The following FAM25C variants were observed in gnomAD, a reference collection of about 807,000 sequenced individuals.
The protein encoded by FAM25C is family with sequence similarity 25 member C, also known as protein FAM25C.
FAM25C carries 4 observed loss-of-function variants against 9.6 expected under a neutral mutation model. The ratio of observed to expected loss-of-function variants is 0.42; its 90% CI spans 0.20 to 0.95. The LOEUF (loss-of-function observed/expected upper bound fraction) is 0.95. FAM25C is among the 40% of genes least tolerant of loss of function. FAM25C has a pLI of 0.31. For missense variants in FAM25C, 38 were observed against 110.4 expected (o/e 0.34, Z 2.94); for synonymous variants, 23 against 44.1 (o/e 0.52, Z 1.89).
intron 1 of FAM25C, among the ~76,000 whole-genome samples, chr10:47,997,962 C>T (rs577559381): frequency 0.017 from 2,545 of 149,130 alleles, 31 homozygotes; most frequent in African/African-American, 0.058. Flanking sequence ...GGGATGCCAC[C>T]CCCAGCCAGG....
At chr10:47,998,738 C>G (rs1414712974) in intron 1 of FAM25C, among the ~76,000 whole-genome samples, 2 of 140,776 alleles carry the variant, frequency 1.4e-5, no homozygotes, top group African/African-American at 2.6e-5. Flanking sequence ...TCCCAACACT[C>G]AGCTTTTCTC....
chr10:47,999,711 T>C lies in FAM25C; in HGVS notation c.55A>G (p.Lys19Glu), dbSNP rs1842851166. ...TCCTCACTGGCTCCCTCGGTGGCCT[T>C]CTCGGTGCGGTGGGCCAGGCCCTCG... ...AAEGLAHRTE[K>E]ATEGAIHAVE... Residue 19 changes from lysine to glutamate, a missense_variant, in exon 1 of 3, where the codon AAG becomes GAG. Around this residue, in one of 2 missense-constraint regions of FAM25C, gnomAD observed 8 missense variants for 57.4 expected, o/e 0.14. Transcript: ENST00000617224. The C allele has an allele frequency of 6.5e-7, 1 of 1,542,540 alleles. No homozygotes were observed. The highest frequency in any genetic ancestry group is 1.2e-5 in the South Asian group (1 of 83,686).
At chr10:47,998,656 T>C (rs1183975756) in intron 1 of FAM25C, among the ~76,000 whole-genome samples, 1 of 127,656 alleles carries the variant, frequency 7.8e-6, no homozygotes, top group East Asian at 2.3e-4. Flanking sequence ...GAGAAACATA[T>C]GGCTACTTGA....
intron 1 of FAM25C, among the ~76,000 whole-genome samples, chr10:47,998,116 G>A (rs552096260): frequency 6.6e-6 from 1 of 151,418 alleles, no homozygotes; most frequent in African/African-American, 2.4e-5. Flanking sequence ...GCCTGGAATG[G>A]CAATGAGCAG....
rs1466778892 is a variant in FAM25C at position 47,995,500 on chromosome 10, C to T, written c.148G>A (p.Ala50Thr). ...KETGEKAIAEAIKKAQESGDK... is the reference protein window; with the variant it reads ...KETGEKAIAETIKKAQESGDK... Reference sequence around the variant, plus strand: ...CCTGACTCCTGGGCTTTCTTTATGGCTTCAGCAATGGCTGTTGGAAAGAAA... The same window carrying T: ...CCTGACTCCTGGGCTTTCTTTATGGTTTCAGCAATGGCTGTTGGAAAGAAA... Residue 50 changes from alanine (A) to threonine (T), a missense_variant, in exon 3 of 3, where the codon GCC becomes ACC. Physicochemically the swap from Ala to Thr is moderately conservative, Grantham distance 58. Around this residue, in one of 2 missense-constraint regions of FAM25C, gnomAD observed 30 missense variants for 53.0 expected, o/e 0.57. Coordinates refer to ENST00000617224, the MANE Select transcript of FAM25C (RefSeq NM_001137548.3). 12 of 1,534,202 alleles carry T rather than the reference C, an allele frequency of 7.8e-6. No individual in the cohort carries two copies. Among genetic ancestry groups the T allele is most frequent in the East Asian group, 7.3e-5 (3 of 40,928 alleles).
intron 2 of FAM25C, among the ~76,000 whole-genome samples, chr10:47,997,209 C>T (rs1432535487): frequency 6.7e-6 from 1 of 148,600 alleles, no homozygotes; most frequent in Non-Finnish European, 1.5e-5. Flanking sequence ...CCCAGGTACA[C>T]ACCATTCTCC....
chr10:47,998,081 C>A (rs1291926402), intron 1 of FAM25C, among the ~76,000 whole-genome samples: 1 of 151,398 alleles, frequency 6.6e-6, no homozygotes, highest in Non-Finnish European at 1.5e-5. Context: ...GGGCATGGGT[C>A]CCTGAAGCCC....
chr10:47,995,503 C>T lies in FAM25C; in HGVS notation c.145G>A (p.Glu49Lys), dbSNP rs1555256367. 6.5e-7 allele frequency: 1 copy of T among 1,534,240 alleles called. No homozygotes were observed. The highest frequency in any genetic ancestry group is 8.7e-7 in the Non-Finnish European group (1 of 1,145,992). ...GACTCCTGGGCTTTCTTTATGGCTT[C>T]AGCAATGGCTGTTGGAAAGAAAGAG... The part of the protein sequence containing the change: ...AKETGEKAIA[E>K]AIKKAQESGD... The change falls in exon 3 of 3, where the codon GAA (glutamate) becomes AAA (lysine). Residue 49 changes from glutamate (E) to lysine (K), a missense_variant. Around this residue, in one of 2 missense-constraint regions of FAM25C, gnomAD observed 30 missense variants for 53.0 expected, o/e 0.57. Transcript: ENST00000617224.
At chr10:47,996,324 TG>T (rs1216239239) in intron 2 of FAM25C, among the ~76,000 whole-genome samples, 1 of 128,030 alleles carries the variant, frequency 7.8e-6, no homozygotes, top group African/African-American at 3.0e-5. Context: ...GTTTATGGTT[TG>T]TTTTTGTTTT....
At position 47,995,438 on chromosome 10, in the gene FAM25C, G is replaced by T. The variant is rs782739850; in HGVS notation, c.210C>A (p.Thr70=). 9 of 1,524,412 alleles carry T rather than the reference G, an allele frequency of 5.9e-6. 1 individual carries two copies. In the South Asian group the frequency reaches 8.4e-5, roughly 14 times the overall value. The allele number at this position is 1,524,412 out of a possible 1,614,324, so 94.4% of individuals were successfully genotyped here. ...KKMKEITETV[T]NTVTNAITHA... ...GGGTGATGGCATTTGTGACTGTGTT[G>T]GTCACTGTCTCGGTGATTTCCTTCA... is the stretch of plus-strand genomic sequence containing the variant. The change falls in exon 3 of 3, where the codon ACC becomes ACA. Residue 70 remains threonine (T), a synonymous_variant. Coordinates refer to ENST00000617224, the MANE Select transcript of FAM25C (RefSeq NM_001137548.3).
At chr10:47,995,860 T>A (rs1555256404) in intron 2 of FAM25C, among the ~76,000 whole-genome samples, 1 of 150,744 alleles carries the variant, frequency 6.6e-6, no homozygotes, top group Non-Finnish European at 1.5e-5. Context: ...GTATAATTTT[T>A]CTTTTGGCTT....
intron 1 of FAM25C, among the ~76,000 whole-genome samples, chr10:47,998,317 G>T (rs1246243700): frequency 2.7e-5 from 4 of 147,246 alleles, no homozygotes; most frequent in African/African-American, 7.7e-5. Context: ...AGTGTGGGTG[G>T]TAGTGTGCTA....
intron 1 of FAM25C, 133 bp from the exon 2 acceptor site, chr10:47,997,872 C>T (rs1842826266): frequency 6.1e-6 from 4 of 650,984 alleles, no homozygotes; most frequent in South Asian, 1.8e-5. Context: ...CCACTGCCCT[C>T]CCAGTCCAGG....
intron 2 of FAM25C, among the ~76,000 whole-genome samples, chr10:47,997,220 T>C (rs1412229678): frequency 1.3e-5 from 2 of 149,278 alleles, no homozygotes; most frequent in African/African-American, 4.9e-5. Flanking sequence ...ACCATTCTCC[T>C]GCCTCAGCCT....
Position 47,997,714 on chromosome 10 carries a change from C to T in FAM25C, c.99G>A (p.Lys33=). 1 of 1,518,618 alleles carries T rather than the reference C, an allele frequency of 6.6e-7. No individual in the cohort carries two copies. The highest frequency in any genetic ancestry group is 8.9e-7 in the Non-Finnish European group (1 of 1,123,710). 94.1% of individuals were successfully genotyped at this position (1,518,618 alleles called of 1,614,324 possible). A position where few individuals can be genotyped will look rare whatever the true frequency, so the allele number is the denominator to read the frequency against. ...TCTCCTTGGCATGTCCCACCACCTC[C>T]TTCACCACTTCCTCCACGGCATGAA... The part of the protein sequence containing the change: ...GAIHAVEEVV[K]EVVGHAKETG... Residue 33 remains lysine, a synonymous_variant, in exon 2 of 3, where the codon AAG becomes AAA. Transcript: ENST00000617224.
intron 1 of FAM25C, among the ~76,000 whole-genome samples, chr10:47,998,826 CA>C (rs1368470354): frequency 1.4e-5 from 2 of 138,134 alleles, no homozygotes; most frequent in Non-Finnish European, 3.2e-5. Context: ...GAGTCAAAAA[CA>C]AAATACGCAT....
intron 2 of FAM25C, among the ~76,000 whole-genome samples, chr10:47,997,112 C>T: frequency 6.8e-6 from 1 of 146,728 alleles, no homozygotes; most frequent in Middle Eastern, 3.5e-3. Flanking sequence ...AGCCACCGCC[C>T]CCAGCAATTT....
At chr10:47,995,694 C>T (rs1275445112) in intron 2 of FAM25C, among the ~76,000 whole-genome samples, 183 bp from the exon 3 acceptor site, 57 of 148,330 alleles carry the variant, frequency 3.8e-4, no homozygotes, top group African/African-American at 1.3e-3. Flanking sequence ...CAACAACTTG[C>T]ATTTCTTCAA....
chr10:47,995,731 A>AT (rs1842792168), intron 2 of FAM25C, among the ~76,000 whole-genome samples: 1 of 149,316 alleles, frequency 6.7e-6, no homozygotes, highest in African/African-American at 2.5e-5. Flanking sequence ...GCATCTACTC[A>AT]TGGGTACATT....
Sources: allele counts gnomAD v4.1 joint callset (sites outside exome capture counted in the v4.1 genomes callset), GRCh38; gene constraint gnomAD v4.1.1; regional missense constraint gnomAD v4.1.1; transcripts MANE v1.5; gene names NCBI Gene and HGNC (gene_info 2026-07-23, HGNC 2026-07-21).